Variants in DDX10 observed in about 807,000 individuals in gnomAD.
DDX10 encodes probable ATP-dependent RNA helicase DDX10.
DDX10 carries 74 observed loss-of-function variants against 104.3 expected under a neutral mutation model. The ratio of observed to expected loss-of-function variants is 0.71; its 90% confidence interval spans 0.59 to 0.86. The LOEUF (loss-of-function observed/expected upper bound fraction) is 0.86. Among genes scored for constraint, DDX10 ranks in the 40% least tolerant of loss-of-function variants. The probability of loss-of-function intolerance (pLI) is 0.00; values close to 1 mark genes in which losing one functional copy is unlikely to be tolerated. For synonymous variants in DDX10, 351 were observed against 353.4 expected, an observed-to-expected ratio of 0.99 and a Z score of 0.08; for missense variants, 952 against 1,040.0, an observed-to-expected ratio of 0.92 and a Z score of 1.16.
intron 10 of DDX10, among the ~76,000 whole-genome samples, chr11:108,707,068 G>A (rs76072613): frequency 0.02 from 2,973 of 151,984 alleles, 104 homozygotes; most frequent in African/African-American, 0.068. Flanking sequence ...CATTATCAAC[G>A]TCCCCCACCA....
At chr11:108,752,285 T>C (rs2094339674) in intron 13 of DDX10, among the ~76,000 whole-genome samples, 1 of 152,150 alleles carries the variant, frequency 6.6e-6, no homozygotes, top group South Asian at 2.1e-4. Flanking sequence ...CTCTTGCTTC[T>C]GATGCTTAAC....
At chr11:108,798,440 T>C in intron 13 of DDX10, among the ~76,000 whole-genome samples, 1 of 152,218 alleles carries the variant, frequency 6.6e-6, no homozygotes, top group South Asian at 2.1e-4. Flanking sequence ...ACAGTAACTC[T>C]GTAATTCCTG....
intron 9 of DDX10, among the ~76,000 whole-genome samples, chr11:108,699,201 G>A (rs1004451420): frequency 3.3e-5 from 5 of 152,164 alleles, no homozygotes; most frequent in Non-Finnish European, 7.3e-5. Context: ...TCAGACTCAT[G>A]AATCAGATCT....
At chr11:108,870,668 C>T (rs1404529863) in intron 16 of DDX10, among the ~76,000 whole-genome samples, 2 of 152,176 alleles carry the variant, frequency 1.3e-5, no homozygotes, top group East Asian at 1.9e-4. Context: ...ATAGCAACCT[C>T]CTCTTATCCT....
chr11:108,712,688 G>A (rs1046964131), intron 10 of DDX10, among the ~76,000 whole-genome samples: 4 of 151,746 alleles, frequency 2.6e-5, no homozygotes, highest in East Asian at 1.9e-4. Flanking sequence ...AATTAAACAC[G>A]CTGGGGCTAT....
chr11:108,915,914 A>C (rs1446659725), intron 16 of DDX10, among the ~76,000 whole-genome samples: 1 of 150,100 alleles, frequency 6.7e-6, no homozygotes, highest in Non-Finnish European at 1.5e-5. Context: ...AGCTGTCTTC[A>C]CTTAACCCAG....
At chr11:108,747,959 A>AG (rs1266913320) in intron 13 of DDX10, among the ~76,000 whole-genome samples, 1 of 152,158 alleles carries the variant, frequency 6.6e-6, no homozygotes, top group Non-Finnish European at 1.5e-5. Flanking sequence ...TGAAAAAAAA[A>AG]TTGTCTGTGT....
At chr11:108,856,645 G>A (rs915617560) in intron 16 of DDX10, among the ~76,000 whole-genome samples, 1 of 151,856 alleles carries the variant, frequency 6.6e-6, no homozygotes, top group East Asian at 1.9e-4. Flanking sequence ...TACTTTTTTG[G>A]TGCTAAAATA....
intron 16 of DDX10, among the ~76,000 whole-genome samples, chr11:108,871,125 C>G (rs1863076427): frequency 6.6e-6 from 1 of 152,084 alleles, no homozygotes; most frequent in Non-Finnish European, 1.5e-5. Context: ...CACTTTGTGT[C>G]CAAGTTCATA....
chr11:108,783,285 A>C (rs1036333268), intron 13 of DDX10, among the ~76,000 whole-genome samples: 1 of 152,238 alleles, frequency 6.6e-6, no homozygotes, highest in Non-Finnish European at 1.5e-5. Flanking sequence ...AAGAAATATG[A>C]AGACTTAAAA....
Position 108,685,496 on chromosome 11 carries a change from G to A in DDX10, c.849-3440G>A, listed in dbSNP as rs545393417. On this transcript the variant is annotated intron_variant, in intron 6 of 17. Transcript: ENST00000322536. ...AATGCAGAAATCACCCGTCTTCTGC[G>A]TTGCTCACGCTGGGAGCTGTAGACC... Among the ~76,000 whole-genome samples, 99 of 152,162 alleles carry A rather than the reference G, an allele frequency of 6.5e-4. 1 individual carries two copies. The highest frequency in any genetic ancestry group is 5.0e-4 in the Non-Finnish European group (34 of 68,008).
chr11:108,733,032 G>A (rs2094314145), intron 13 of DDX10, among the ~76,000 whole-genome samples: 1 of 151,180 alleles, frequency 6.6e-6, no homozygotes, highest in Admixed American at 6.6e-5. Context: ...TTTTAATTAA[G>A]ATTTGAATGA....
At position 108,769,754 on chromosome 11, in the gene DDX10, A is replaced by G. The variant is rs544881169; in HGVS notation, c.1965+46292A>G. On this transcript the variant is annotated intron_variant, in intron 13 of 17. Transcript: ENST00000322536. ...TATTTGCTTACTCTTTTTAGTCTCA[A>G]TAACCCTGTAAACTCTCAAATTATT... is the stretch of plus-strand genomic sequence containing the variant. Among the ~76,000 whole-genome samples the G allele has an allele frequency of 5.3e-5, 8 of 152,270 alleles. No homozygotes were observed. The East Asian group carries it at 9.6e-4, about 18-fold the overall frequency.
At chr11:108,923,143 C>A (rs1371418003) in intron 17 of DDX10, among the ~76,000 whole-genome samples, 1 of 152,136 alleles carries the variant, frequency 6.6e-6, no homozygotes. Context: ...TTGTTGTTAT[C>A]ATTGGAGACA....
chr11:108,819,873 T>A (rs750278141), intron 13 of DDX10, among the ~76,000 whole-genome samples: 3 of 152,212 alleles, frequency 2.0e-5, no homozygotes, highest in African/African-American at 4.8e-5. Context: ...TGCTGGAGAT[T>A]ACAGGCATGA....
At chr11:108,898,106 A>G (rs1034756448) in intron 16 of DDX10, among the ~76,000 whole-genome samples, 2 of 152,170 alleles carry the variant, frequency 1.3e-5, no homozygotes, top group African/African-American at 4.8e-5. Context: ...ATTTGTATAT[A>G]CAGTGCCTCC....
chr11:108,782,978 G>T (rs1018504320), intron 13 of DDX10, among the ~76,000 whole-genome samples: 1 of 152,142 alleles, frequency 6.6e-6, no homozygotes, highest in African/African-American at 2.4e-5. Context: ...CATATGCTTT[G>T]TCTGGAATAT....
At chr11:108,693,251 C>G (rs770178679) in intron 8 of DDX10, among the ~76,000 whole-genome samples, 1 of 152,172 alleles carries the variant, frequency 6.6e-6, no homozygotes, top group Non-Finnish European at 1.5e-5. Flanking sequence ...CACTGTTTGT[C>G]CGACACAAAG....
chr11:108,929,322 G>A (rs1863947977), intron 17 of DDX10, among the ~76,000 whole-genome samples: 1 of 152,188 alleles, frequency 6.6e-6, no homozygotes, highest in South Asian at 2.1e-4. Flanking sequence ...AGATGGTTAA[G>A]AAGAACCCTC....
Sources: allele counts gnomAD v4.1 joint callset (sites outside exome capture counted in the v4.1 genomes callset), GRCh38; gene constraint gnomAD v4.1.1; transcripts MANE v1.5; gene names NCBI Gene and HGNC (gene_info 2026-07-23, HGNC 2026-07-21).